Variants in TMEM117 observed in about 807,000 individuals in gnomAD.
TMEM117 encodes the protein transmembrane protein 117.
TMEM117 carries 27 observed loss-of-function variants against 52.4 expected under a neutral mutation model. The ratio of observed to expected loss-of-function variants is 0.51; its 90% CI spans 0.38 to 0.71. The LOEUF (loss-of-function observed/expected upper bound fraction) is 0.71, where lower values mean the gene tolerates loss of function less well. Ranked by LOEUF, TMEM117 falls within the 30% of genes least tolerant of loss-of-function variation. The pLI is 0.00. For synonymous variants in TMEM117, 215 were observed against 206.3 expected (o/e 1.04, Z -0.36); for missense variants, 556 against 630.5 (o/e 0.88, Z 1.26).
chr12:44,075,433 T>C (rs1283958563), intron 3 of TMEM117, among the ~76,000 whole-genome samples: 2 of 152,254 alleles, frequency 1.3e-5, no homozygotes, highest in African/African-American at 4.8e-5. Flanking sequence ...TTTAATGTTC[T>C]GTAGTTGCTA....
Position 44,227,064 on chromosome 12 carries a change from T to C in TMEM117, c.608+15677T>C, listed in dbSNP as rs17094333. Among the ~76,000 whole-genome samples the C allele has an allele frequency of 2.4e-3, 358 of 152,320 alleles. 12 individuals carry two copies. In the East Asian group the frequency reaches 0.035, roughly 15 times the overall value. ...TTTCACAAAGGCAATTTCTAGGACC[T>C]GCATGCCTTTGGCTCAAGACATGGC... On this transcript the variant is annotated intron_variant, in intron 5 of 7. Transcript: ENST00000266534.
At chr12:44,311,813 GTATA>G (rs1224645268) in intron 6 of TMEM117, among the ~76,000 whole-genome samples, 2 of 93,292 alleles carry the variant, frequency 2.1e-5, no homozygotes, top group Admixed American at 1.1e-4. Context: ...ATGTATATAT[GTATA>G]TATATGTATA....
At chr12:44,037,580 GC>G (rs1453030100) in intron 3 of TMEM117, among the ~76,000 whole-genome samples, 1 of 152,180 alleles carries the variant, frequency 6.6e-6, no homozygotes, top group Non-Finnish European at 1.5e-5. Flanking sequence ...AGGGCCTGAA[GC>G]CTGGGGGCCT....
Position 43,951,520 on chromosome 12 carries a change from C to A in TMEM117, c.410+7178C>A, listed in dbSNP as rs149255182. 1.3e-3 allele frequency among the ~76,000 whole-genome samples: 197 copies of A among 152,254 alleles called. 1 individual carries two copies. The highest frequency in any genetic ancestry group is 4.5e-3 in the African/African-American group (189 of 41,540). Reference sequence around the variant, plus strand: ...TGGGAGGTTTGGACTGGGCAGAATTCCCCGCAGTGCAGCAAAACAGCTGTG... The same window carrying A: ...TGGGAGGTTTGGACTGGGCAGAATTACCCGCAGTGCAGCAAAACAGCTGTG... On this transcript the variant is annotated intron_variant, in intron 3 of 7. Coordinates refer to ENST00000266534, the MANE Select transcript of TMEM117 (RefSeq NM_032256.3).
chr12:43,908,200 T>A (rs1333224630), intron 2 of TMEM117, among the ~76,000 whole-genome samples: 6 of 69,202 alleles, frequency 8.7e-5, no homozygotes, highest in African/African-American at 1.8e-4. Context: ...TTCAACATTC[T>A]TAAAGAAAAG....
the TMEM117 span, among the ~76,000 whole-genome samples, chr12:44,395,415 T>C: frequency 6.6e-6 from 1 of 152,220 alleles, no homozygotes; most frequent in East Asian, 1.9e-4. Context: ...TCTTAATTGG[T>C]CTTCCTGGCT....
At chr12:43,997,714 T>G (rs879334591) in intron 3 of TMEM117, among the ~76,000 whole-genome samples, 31 of 152,198 alleles carry the variant, frequency 2.0e-4, no homozygotes, top group Admixed American at 2.0e-3. Context: ...AAATCAATAT[T>G]ATCTCATCTA....
intron 5 of TMEM117, among the ~76,000 whole-genome samples, chr12:44,241,512 A>T (rs554215000): frequency 6.6e-6 from 1 of 152,066 alleles, no homozygotes; most frequent in East Asian, 1.9e-4. Flanking sequence ...TTTTATTTTT[A>T]CGTGATCAAA....
intron 2 of TMEM117, among the ~76,000 whole-genome samples, chr12:43,909,813 A>G (rs1185557439): frequency 7.5e-6 from 1 of 133,546 alleles, no homozygotes; most frequent in African/African-American, 2.6e-5. Context: ...GAATCTCTGA[A>G]TAGACCAATA....
chr12:43,806,094 G>A, the TMEM117 span: 1 of 1,519,872 alleles, frequency 6.6e-7, no homozygotes, highest in Non-Finnish European at 8.8e-7. Flanking sequence ...CCGAGGCCCG[G>A]CTCGCCCCGC....
At chr12:44,207,964 A>C (rs993650058) in intron 4 of TMEM117, among the ~76,000 whole-genome samples, 6 of 152,166 alleles carry the variant, frequency 3.9e-5, no homozygotes, top group African/African-American at 1.4e-4. Flanking sequence ...ATAATGACTT[A>C]CTTTACAAAG....
chr12:44,070,099 C>T (rs1592490546), intron 3 of TMEM117, among the ~76,000 whole-genome samples: 1 of 152,166 alleles, frequency 6.6e-6, no homozygotes, highest in East Asian at 1.9e-4. Flanking sequence ...CCATGTTGTT[C>T]AGGCTGGTTT....
intron 3 of TMEM117, among the ~76,000 whole-genome samples, chr12:44,089,955 C>A (rs1383800252): frequency 6.6e-6 from 1 of 152,106 alleles, no homozygotes; most frequent in Non-Finnish European, 1.5e-5. Context: ...ATTTTGCCAA[C>A]CCATCTTCTA....
chr12:43,980,398 C>T (rs190677920), intron 3 of TMEM117, among the ~76,000 whole-genome samples: 1,610 of 140,458 alleles, frequency 0.011, 11 homozygotes, highest in Middle Eastern at 0.029. Flanking sequence ...TCTAGCGTAC[C>T]TTCTTCTAGG....
At chr12:44,300,154 T>A (rs1950821614) in intron 6 of TMEM117, among the ~76,000 whole-genome samples, 1 of 152,230 alleles carries the variant, frequency 6.6e-6, no homozygotes, top group Non-Finnish European at 1.5e-5. Context: ...TTTATAGCAG[T>A]TGAAATGAAG....
intron 2 of TMEM117, among the ~76,000 whole-genome samples, chr12:43,862,952 C>A (rs543144704): frequency 6.6e-6 from 1 of 152,068 alleles, no homozygotes; most frequent in Middle Eastern, 3.4e-3. Flanking sequence ...GGTGACACTG[C>A]GAGACTCTGT....
At chr12:44,307,523 G>C (rs1275100383) in intron 6 of TMEM117, among the ~76,000 whole-genome samples, 1 of 152,110 alleles carries the variant, frequency 6.6e-6, no homozygotes, top group Non-Finnish European at 1.5e-5. Flanking sequence ...TGGAATAAAG[G>C]GCTTATCACT....
intron 3 of TMEM117, among the ~76,000 whole-genome samples, chr12:44,056,175 C>T (rs1947051827): frequency 6.6e-6 from 1 of 152,098 alleles, no homozygotes; most frequent in Non-Finnish European, 1.5e-5. Context: ...TCATAGCTTA[C>T]TGCAGCCTTG....
chr12:43,983,356 C>T (rs1945791324), intron 3 of TMEM117, among the ~76,000 whole-genome samples: 1 of 152,020 alleles, frequency 6.6e-6, no homozygotes, highest in African/African-American at 2.4e-5. Context: ...AAGTAAGTCC[C>T]ATGGCCAAGT....
Sources: allele counts gnomAD v4.1 joint callset (sites outside exome capture counted in the v4.1 genomes callset), GRCh38; gene constraint gnomAD v4.1.1; transcripts MANE v1.5; gene names NCBI Gene and HGNC (gene_info 2026-07-23, HGNC 2026-07-21).